The following KMT2C variants were observed in gnomAD, a reference collection of about 807,000 sequenced individuals.
KMT2C encodes lysine methyltransferase 2C, also known as histone-lysine N-methyltransferase 2C.
KMT2C carries 88 observed loss-of-function variants against 507.9 expected under a neutral mutation model. The observed-to-expected ratio is 0.17, with a 90% CI of 0.15 to 0.21. The LOEUF is 0.21. Ranked by LOEUF, KMT2C falls within the 10% of genes least tolerant of loss-of-function variation. The probability of loss-of-function intolerance (pLI) is 1.00; values close to 1 mark genes in which losing one functional copy is unlikely to be tolerated. For missense variants in KMT2C, 4,954 were observed against 5,957.8 expected (o/e 0.83, Z 5.55); for synonymous variants, 2,049 against 2,080.8 (o/e 0.98, Z 0.42).
intron 1 of KMT2C, chr7:152,368,412 G>C (rs192255531): frequency 3.5e-6 from 4 of 1,130,684 alleles, no homozygotes; most frequent in African/African-American, 3.1e-5. Flanking sequence ...AGAAGATAGA[G>C]ATGGAGATGG....
At chr7:152,274,902 G>T (rs577601396) in intron 6 of KMT2C, among the ~76,000 whole-genome samples, 2 of 151,718 alleles carry the variant, frequency 1.3e-5, no homozygotes, top group African/African-American at 4.8e-5. Flanking sequence ...CTAATAGAAA[G>T]GTGTTCCTAT....
At position 152,238,856 on chromosome 7, in the gene KMT2C, T is replaced by C. The variant is rs780449168; in HGVS notation, c.2533-30A>G. On this transcript the variant is annotated intron_variant, in intron 14 of 58. Transcript: ENST00000262189. ...GATATGGCAGTTGAGAAAATAGATG[T>C]GTAAAACTCAGCAACATAAAAGGTC... 9.5e-6 allele frequency: 15 copies of C among 1,571,574 alleles called. No homozygotes were observed. The South Asian group carries it at 1.7e-4, about 18-fold the overall frequency.
At chr7:152,318,340 A>T (rs979671801) in intron 3 of KMT2C, among the ~76,000 whole-genome samples, 26 of 152,020 alleles carry the variant, frequency 1.7e-4, no homozygotes, top group African/African-American at 6.0e-4. Flanking sequence ...GTGGTGGCAC[A>T]CACCTGTAAT....
At chr7:152,432,134 A>C (rs551072439) in intron 1 of KMT2C, among the ~76,000 whole-genome samples, 13 of 152,334 alleles carry the variant, frequency 8.5e-5, no homozygotes, top group African/African-American at 1.2e-4. Flanking sequence ...CAGGGTATAA[A>C]GAGTTTACTC....
chr7:152,227,767 T>C (rs2094978660), intron 18 of KMT2C, among the ~76,000 whole-genome samples: 1 of 152,186 alleles, frequency 6.6e-6, no homozygotes, highest in Non-Finnish European at 1.5e-5. Flanking sequence ...AAGCCGTACT[T>C]CTAGAAGCCC....
intron 6 of KMT2C, among the ~76,000 whole-genome samples, chr7:152,278,176 A>T (rs2096124034): frequency 1.3e-5 from 2 of 152,150 alleles, no homozygotes; most frequent in South Asian, 4.1e-4. Context: ...CTGGCTGTTC[A>T]AAAGTGTATG....
chr7:152,145,036 T>G (rs531536168), intron 54 of KMT2C, 117 bp downstream of exon 54: 2 of 1,396,392 alleles, frequency 1.4e-6, no homozygotes, highest in Non-Finnish European at 2.0e-6. Flanking sequence ...TCTTATGTAG[T>G]TGGGCACATA....
Position 152,176,468 on chromosome 7 carries a change from T to G in KMT2C, c.8985A>C (p.Pro2995=), listed in dbSNP as rs1231791368. The G allele has an allele frequency of 5.6e-6, 9 of 1,614,052 alleles. No individual in the cohort carries two copies. In the African/African-American group the frequency reaches 1.2e-4, roughly 22 times the overall value. The change falls in exon 38 of 59, where the codon CCA becomes CCC. Residue 2995 remains proline (P), a synonymous_variant. Coordinates refer to ENST00000262189, the MANE Select transcript of KMT2C (RefSeq NM_170606.3). The part of the protein sequence containing the change: ...QGVQVNPGLI[P]GQSTVNHSLG... ...GACTGTGGTTAACTGTTGATTGACCTGGAATGAGCCCTGGGTTTACCTGCA... is the reference window on the plus strand; with the variant it reads ...GACTGTGGTTAACTGTTGATTGACCGGGAATGAGCCCTGGGTTTACCTGCA...
intron 2 of KMT2C, among the ~76,000 whole-genome samples, chr7:152,337,992 G>A (rs1358287863): frequency 6.6e-6 from 1 of 152,024 alleles, no homozygotes; most frequent in African/African-American, 2.4e-5. Flanking sequence ...AAGTAGCTGG[G>A]ACTACAGGCG....
chr7:152,141,501 A>G (rs2090536476), intron 55 of KMT2C, among the ~76,000 whole-genome samples: 1 of 146,500 alleles, frequency 6.8e-6, no homozygotes, highest in African/African-American at 2.5e-5. Flanking sequence ...CAAGGTCAGG[A>G]GTTTGAGGAC....
At chr7:152,288,705 G>C (rs930658695) in intron 6 of KMT2C, among the ~76,000 whole-genome samples, 5 of 151,976 alleles carry the variant, frequency 3.3e-5, no homozygotes, top group Admixed American at 3.3e-4. Context: ...AATCCTAAGA[G>C]GATACACACA....
rs2094341271 is a variant in KMT2C at position 152,207,535 on chromosome 7, T to C, written c.3713-107A>G. 4 of 930,016 alleles carry C rather than the reference T, an allele frequency of 4.3e-6. No individual in the cohort carries two copies. In the Middle Eastern group the frequency reaches 7.0e-4, roughly 163 times the overall value. The allele number at this position is 930,016 out of a possible 1,614,324, so 57.6% of individuals were successfully genotyped here. A position where few individuals can be genotyped will look rare whatever the true frequency, so the allele number is the denominator to read the frequency against. On this transcript the variant is annotated intron_variant, in intron 23 of 58. Coordinates refer to ENST00000262189, the MANE Select transcript of KMT2C (RefSeq NM_170606.3). ...GGTTGTTGCTGAGCCATTTTAATTG[T>C]ACATCCCTGTTGGTAGGGAAAGTAT...
chr7:152,153,319 CA>C (rs2091795813), intron 48 of KMT2C, among the ~76,000 whole-genome samples: 1 of 152,098 alleles, frequency 6.6e-6, no homozygotes, highest in African/African-American at 2.4e-5. Context: ...TAAGAACAGA[CA>C]AAGGTCTTGC....
chr7:152,334,094 A>T (rs2096909722), intron 2 of KMT2C, among the ~76,000 whole-genome samples: 1 of 152,204 alleles, frequency 6.6e-6, no homozygotes, highest in South Asian at 2.1e-4. Context: ...CCCCCCAAAA[A>T]AAAAGGTATT....
intron 9 of KMT2C, among the ~76,000 whole-genome samples, chr7:152,254,549 T>C (rs1489377028): frequency 6.6e-6 from 1 of 152,176 alleles, no homozygotes; most frequent in African/African-American, 2.4e-5. Context: ...CTAATAACTC[T>C]TGAGAAAGTA....
At chr7:152,324,091 G>C (rs1263775497) in intron 3 of KMT2C, among the ~76,000 whole-genome samples, 2 of 151,628 alleles carry the variant, frequency 1.3e-5, no homozygotes, top group African/African-American at 4.8e-5. Flanking sequence ...GATTGAGATA[G>C]GAGGAATAGG....
Position 152,163,269 on chromosome 7 carries a change from C to T in KMT2C, c.10308G>A (p.Met3436Ile), listed in dbSNP as rs1258895605. ...QQRMEMEQHG[M>I]VGSEISSSRT... ...TACTACTACTTATCTCAGAGCCCAC[C>T]ATACCATGCTGCTCCATTTCCATCC... The change falls in exon 43 of 59, where the codon ATG becomes ATA. Residue 3436 changes from methionine to isoleucine, a missense_variant. Physicochemically the swap from Met to Ile is conservative, Grantham distance 10. This residue lies in a region of KMT2C where 801 missense variants were observed against 751.2 expected (regional missense o/e 1.07). Coordinates refer to ENST00000262189, the MANE Select transcript of KMT2C (RefSeq NM_170606.3). 9.9e-6 allele frequency: 16 copies of T among 1,614,210 alleles called. No individual in the cohort carries two copies. The highest frequency in any genetic ancestry group is 1.3e-5 in the Non-Finnish European group (15 of 1,180,036).
At chr7:152,263,619 G>A (rs2095816259) in intron 8 of KMT2C, among the ~76,000 whole-genome samples, 1 of 152,074 alleles carries the variant, frequency 6.6e-6, no homozygotes, top group South Asian at 2.1e-4. Flanking sequence ...CTGAGTTCCA[G>A]GTATAAAATG....
intron 42 of KMT2C, 72 bp downstream of exon 42, chr7:152,167,074 T>C: frequency 8.0e-7 from 1 of 1,251,168 alleles, no homozygotes; most frequent in South Asian, 1.3e-5. Context: ...TCAAAGTCAC[T>C]AATGAACAAC....
Sources: gnomAD v4.1 joint callset for allele counts (sites outside exome capture counted in the v4.1 genomes callset) on GRCh38, gnomAD v4.1.1 for gene constraint, gnomAD v4.1.1 regional missense constraint, MANE v1.5 for transcripts, NCBI Gene and HGNC (gene_info 2026-07-23, HGNC 2026-07-21) for gene names.